Variants in RTN4RL1 observed in about 807,000 individuals in gnomAD.
RTN4RL1 encodes the protein reticulon-4 receptor-like 1.
Under a neutral mutation model 25.6 loss-of-function variants are expected in RTN4RL1, and 7 were observed. The ratio of observed to expected loss-of-function variants is 0.27; its 90% CI spans 0.16 to 0.51. RTN4RL1 has a LOEUF of 0.51. Ranked by LOEUF, RTN4RL1 falls within the 20% of genes least tolerant of loss-of-function variation. The pLI, the probability that RTN4RL1 is intolerant of heterozygous loss-of-function variation, is 0.97. For synonymous variants in RTN4RL1, 297 were observed against 288.2 expected, an observed-to-expected ratio of 1.03 and a Z score of -0.31; for missense variants, 500 against 615.6, an observed-to-expected ratio of 0.81 and a Z score of 1.99.
intron 1 of RTN4RL1, among the ~76,000 whole-genome samples, chr17:1,978,696 C>G (rs977579609): frequency 6.6e-6 from 1 of 152,154 alleles, no homozygotes; most frequent in African/African-American, 2.4e-5. Context: ...GAGCATGGAG[C>G]GTGGTGCTTA....
At chr17:1,944,043 A>G (rs1290607850) in intron 1 of RTN4RL1, among the ~76,000 whole-genome samples, 2 of 151,918 alleles carry the variant, frequency 1.3e-5, no homozygotes, top group Non-Finnish European at 1.5e-5. Context: ...CTCCCACCTC[A>G]GCCTCCCAGA....
At chr17:2,007,892 G>A (rs950928547) in intron 1 of RTN4RL1, among the ~76,000 whole-genome samples, 4 of 152,012 alleles carry the variant, frequency 2.6e-5, no homozygotes, top group Non-Finnish European at 5.9e-5. Flanking sequence ...GCTGCAGTGA[G>A]CCGAGATTGC....
chr17:1,967,617 C>G (rs2066797888), intron 1 of RTN4RL1, among the ~76,000 whole-genome samples: 1 of 151,958 alleles, frequency 6.6e-6, no homozygotes, highest in African/African-American at 2.4e-5. Flanking sequence ...CTGCTGTTGC[C>G]CAAGCCCAAC....
chr17:2,002,008 T>TC (rs1694656485), intron 1 of RTN4RL1, among the ~76,000 whole-genome samples: 1 of 150,940 alleles, frequency 6.6e-6, no homozygotes, highest in Non-Finnish European at 1.5e-5. Flanking sequence ...TAAAGGATTT[T>TC]TTTTTTTTGC....
intron 1 of RTN4RL1, among the ~76,000 whole-genome samples, chr17:1,941,707 C>A (rs1915442019): frequency 6.6e-6 from 1 of 152,158 alleles, no homozygotes; most frequent in African/African-American, 2.4e-5. Context: ...CACCCCTGCC[C>A]CTCCTCCTGG....
rs200262350 is a variant in RTN4RL1, at chr17:1,937,160, C to A, written c.662G>T (p.Arg221Leu). Reference sequence around the variant, plus strand: ...GAAGAGGAAGAGGGTGGTCAGCCTGCGGAGGTCGTGGAACGCCTTGTGGTG... The same window carrying A: ...GAAGAGGAAGAGGGTGGTCAGCCTGAGGAGGTCGTGGAACGCCTTGTGGTG... ...WVHHKAFHDL[R>L]RLTTLFLFNN... The change falls in exon 2 of 2, where the codon CGC (arginine) becomes CTC (leucine). Residue 221 changes from arginine to leucine, a missense_variant. Physicochemically the swap from Arg to Leu is moderately radical, Grantham distance 102. Transcript: ENST00000331238. 3 of 1,612,016 alleles carry A rather than the reference C, an allele frequency of 1.9e-6. No homozygotes were observed. The highest frequency in any genetic ancestry group is 2.2e-5 in the East Asian group (1 of 44,868).
At chr17:2,015,848 C>T (rs1423927353) in intron 1 of RTN4RL1, among the ~76,000 whole-genome samples, 1 of 152,200 alleles carries the variant, frequency 6.6e-6, no homozygotes, top group Admixed American at 6.5e-5. Flanking sequence ...TCAAACCCCT[C>T]GCCCTGTGGA....
chr17:2,001,267 T>TG (rs1488908342), intron 1 of RTN4RL1, among the ~76,000 whole-genome samples: 2 of 151,800 alleles, frequency 1.3e-5, no homozygotes, highest in Non-Finnish European at 2.9e-5. Flanking sequence ...TTTTTTGAGA[T>TG]GGAGTCTCAC....
intron 1 of RTN4RL1, among the ~76,000 whole-genome samples, chr17:1,997,403 C>T (rs926296289): frequency 1.3e-5 from 2 of 152,288 alleles, no homozygotes; most frequent in Middle Eastern, 3.4e-3. Flanking sequence ...ATCACATTAA[C>T]AGTTTTATTC....
chr17:1,983,416 A>G (rs2151317087), intron 1 of RTN4RL1, among the ~76,000 whole-genome samples: 1 of 152,302 alleles, frequency 6.6e-6, no homozygotes, highest in South Asian at 2.1e-4. Flanking sequence ...CAGTGATACT[A>G]ACAAAACATC....
At chr17:1,973,929 C>T (rs1327346487) in intron 1 of RTN4RL1, among the ~76,000 whole-genome samples, 2 of 151,436 alleles carry the variant, frequency 1.3e-5, no homozygotes, top group African/African-American at 2.4e-5. Flanking sequence ...ATCCCAGCTA[C>T]CGGGGAGGCT....
At chr17:1,972,178 G>A (rs1295041359) in intron 1 of RTN4RL1, among the ~76,000 whole-genome samples, 1 of 149,332 alleles carries the variant, frequency 6.7e-6, no homozygotes, top group African/African-American at 2.5e-5. Flanking sequence ...GTGGTGGCAG[G>A]CACCTGTAGT....
intron 1 of RTN4RL1, among the ~76,000 whole-genome samples, chr17:2,012,870 C>T (rs1051229851): frequency 7.9e-5 from 12 of 151,848 alleles, no homozygotes; most frequent in South Asian, 2.1e-4. Context: ...CTCGGCTCAC[C>T]GCAACTTCCA....
chr17:1,982,928 C>A (rs2066873626), intron 1 of RTN4RL1, among the ~76,000 whole-genome samples: 1 of 152,244 alleles, frequency 6.6e-6, no homozygotes, highest in Admixed American at 6.5e-5. Context: ...CCTTGAAGGG[C>A]TGGGTTTTCC....
At chr17:1,974,579 G>A (rs2066834749) in intron 1 of RTN4RL1, among the ~76,000 whole-genome samples, 1 of 152,142 alleles carries the variant, frequency 6.6e-6, no homozygotes, top group African/African-American at 2.4e-5. Context: ...TAACAGGCAA[G>A]AACCCACTGG....
In RTN4RL1 at chr17:1,936,840, C is replaced by T; in HGVS notation, c.982G>A (p.Glu328Lys). Residue 328 changes from glutamate to lysine, a missense_variant, in exon 2 of 2, where the codon GAA (glutamate) becomes AAA (lysine). By Grantham distance (56) the Glu-to-Lys change is moderately conservative (BLOSUM62 1). Transcript: ENST00000331238. ...LTTTDRAARK[E>K]HHSPHGPTRS... The stretch of plus-strand genomic sequence containing the variant: ...GTGGGGCCGTGGGGTGAGTGGTGTT[C>T]CTTGCGGGCGGCCCTGTCGGTGGTG... The T allele has an allele frequency of 6.3e-7, 1 of 1,585,598 alleles. No homozygotes were observed. The highest frequency in any genetic ancestry group is 8.6e-7 in the Non-Finnish European group (1 of 1,166,644).
chr17:1,936,709 C>G lies in RTN4RL1; in HGVS notation c.1113G>C (p.Gly371=). 6.3e-7 allele frequency: 1 copy of G among 1,582,980 alleles called. No individual in the cohort carries two copies. The highest frequency in any genetic ancestry group is 1.4e-5 in the African/African-American group (1 of 73,784). ...NRNQISKAGA[G]KQAPELPDYA... is the part of the protein sequence containing the mutation. ...AGTCTGGCAGCTCGGGGGCCTGTTT[C>G]CCGGCGCCCGCCTTAGAGATCTGAT... Residue 371 remains glycine (G), a synonymous_variant, in exon 2 of 2, where the codon GGG becomes GGC. Transcript: ENST00000331238.
intron 1 of RTN4RL1, among the ~76,000 whole-genome samples, chr17:2,009,187 T>C (rs903205942): frequency 1.3e-5 from 2 of 152,196 alleles, no homozygotes; most frequent in African/African-American, 4.8e-5. Context: ...TCGCCGGGCT[T>C]GGTGGCTCAC....
chr17:1,976,118 A>C (rs1039969355), intron 1 of RTN4RL1, among the ~76,000 whole-genome samples: 2 of 152,192 alleles, frequency 1.3e-5, no homozygotes, highest in Non-Finnish European at 2.9e-5. Context: ...CCAGCTCTGG[A>C]GTGAGAAAGG....
Sources: gnomAD v4.1 joint callset for allele counts (sites outside exome capture counted in the v4.1 genomes callset) on GRCh38, gnomAD v4.1.1 for gene constraint, MANE v1.5 for transcripts, NCBI Gene and HGNC (gene_info 2026-07-23, HGNC 2026-07-21) for gene names.